Variants in VMA22 observed in about 807,000 individuals in gnomAD.
VMA22 encodes the protein vacuolar ATPase assembly factor VMA22, also known as vacuolar ATPase assembly protein VMA22.
the VMA22 span, chr2:130,338,847 C>T: frequency 2.5e-6 from 1 of 404,208 alleles, no homozygotes. Flanking sequence ...AGAGGCAGTT[C>T]CAATTGTTGA....
the VMA22 span, chr2:130,342,589 T>G: frequency 2.2e-6 from 1 of 463,874 alleles, no homozygotes. Flanking sequence ...TTATGATTGT[T>G]TTAGCGGTTC....
the VMA22 span, chr2:130,342,158 C>T: frequency 3.1e-6 from 5 of 1,609,972 alleles, no homozygotes; most frequent in African/African-American, 1.3e-5. Flanking sequence ...CCACCTTCTT[C>T]CTTGTCACCC....
chr2:130,341,650 A>G, the VMA22 span: 1 of 1,602,510 alleles, frequency 6.2e-7, no homozygotes, highest in Non-Finnish European at 8.5e-7. Flanking sequence ...GTTCTGCAGA[A>G]GGAAGAGGGG....
At chr2:130,341,534 C>G in the VMA22 span, 1 of 754,034 alleles carries the variant, frequency 1.3e-6, no homozygotes, top group Non-Finnish European at 2.2e-6. Context: ...CAAAACCACC[C>G]TACAAAAACA....
At chr2:130,339,491 G>T in the VMA22 span, 1 of 1,357,250 alleles carries the variant, frequency 7.4e-7, no homozygotes, top group East Asian at 3.2e-5. Context: ...AAAATTCACA[G>T]ATAGTAATAC....
At chr2:130,342,023 C>T in the VMA22 span, 3 of 1,614,032 alleles carry the variant, frequency 1.9e-6, no homozygotes, top group Admixed American at 3.3e-5. Flanking sequence ...ACCTCCTCCA[C>T]CCGGGCGTTC....
At chr2:130,339,113 G>C in the VMA22 span, 4 of 1,605,408 alleles carry the variant, frequency 2.5e-6, no homozygotes, top group Non-Finnish European at 3.4e-6. Flanking sequence ...GCCTCTTTGC[G>C]CGCATGTCAG....
chr2:130,339,143 G>C, the VMA22 span: 3 of 1,613,948 alleles, frequency 1.9e-6, no homozygotes, highest in East Asian at 2.2e-5. Context: ...GGCTCCAGCT[G>C]CTTGAGTTTC....
At chr2:130,339,686 C>T in the VMA22 span, 11 of 1,304,384 alleles carry the variant, frequency 8.4e-6, no homozygotes, top group Non-Finnish European at 1.0e-5. Flanking sequence ...CTTCGGCCTC[C>T]TGTTCAGCAG....
the VMA22 span, chr2:130,339,370 C>G: frequency 3.0e-6 from 4 of 1,341,642 alleles, no homozygotes; most frequent in African/African-American, 4.4e-5. Flanking sequence ...CCAGGTACGG[C>G]CCTGCATTGG....
At chr2:130,339,173 G>C in the VMA22 span, 2 of 1,614,166 alleles carry the variant, frequency 1.2e-6, no homozygotes, top group Non-Finnish European at 8.5e-7. Context: ...CCCCGGAGCT[G>C]GCTTCGACCC....
chr2:130,341,805 G>GGCCCCCCCCCCCC, the VMA22 span: 1 of 272,768 alleles, frequency 3.7e-6, no homozygotes, highest in Non-Finnish European at 6.8e-6. Flanking sequence ...GAACGCGCCC[G>GGCCCCCCCCCCCC]CCCGCCCACC....
At chr2:130,340,960 A>C in the VMA22 span, 4 of 1,614,018 alleles carry the variant, frequency 2.5e-6, no homozygotes, top group Non-Finnish European at 3.4e-6. Context: ...CTAGGATTCC[A>C]AACCAGTTCA....
the VMA22 span, chr2:130,339,036 C>T: frequency 1.0e-6 from 1 of 1,001,096 alleles, no homozygotes; most frequent in Non-Finnish European, 1.5e-6. Context: ...GGGGCAAGAG[C>T]TAATTGTGAA....
the VMA22 span, chr2:130,340,882 A>G: frequency 1.2e-6 from 2 of 1,613,772 alleles, no homozygotes; most frequent in Admixed American, 3.3e-5. Context: ...TGAGGGCCAC[A>G]GAGCCAAACA....
the VMA22 span, chr2:130,341,246 C>G: frequency 1.6e-6 from 1 of 616,708 alleles, no homozygotes; most frequent in African/African-American, 1.8e-5. Context: ...CACTCTTTCC[C>G]GTGACTCCTG....
the VMA22 span, chr2:130,341,061 G>T: frequency 6.3e-7 from 1 of 1,580,740 alleles, no homozygotes; most frequent in Non-Finnish European, 8.6e-7. Flanking sequence ...AAGGTTGGAG[G>T]AGGCTGGGAT....
At chr2:130,342,012 T>C in the VMA22 span, 8 of 1,613,798 alleles carry the variant, frequency 5.0e-6, no homozygotes, top group South Asian at 1.1e-5. Context: ...CCCAGGCGCC[T>C]ACCTCCTCCA....
chr2:130,341,677 A>T, the VMA22 span: 3 of 1,611,248 alleles, frequency 1.9e-6, no homozygotes, highest in Admixed American at 5.0e-5. Flanking sequence ...CTGCTTCGCG[A>T]GGCCCCACCT....
Sources: gnomAD v4.1 joint callset for allele counts on GRCh38, gnomAD v4.1.1 for gene constraint, MANE v1.5 for transcripts, NCBI Gene and HGNC (gene_info 2026-07-23, HGNC 2026-07-21) for gene names.